The following PTPRD variants were observed in gnomAD, a reference collection of about 807,000 sequenced individuals.
PTPRD encodes receptor-type tyrosine-protein phosphatase delta.
In PTPRD, 34 loss-of-function variants were observed where a neutral mutation model predicts 214.5. The ratio of observed to expected loss-of-function variants is 0.16; its 90% CI spans 0.12 to 0.21. PTPRD has a LOEUF of 0.21. Among genes scored for constraint, PTPRD ranks in the 10% least tolerant of loss-of-function variants. The pLI is 1.00. For missense variants in PTPRD, 2,545 were observed against 2,398.7 expected (o/e 1.06, Z -1.27); for synonymous variants, 1,128 against 845.7 (o/e 1.33, Z -5.79).
At chr9:8,560,927 TAA>T (rs57799552) in intron 14 of PTPRD, among the ~76,000 whole-genome samples, 3,139 of 141,132 alleles carry the variant, frequency 0.022, 94 homozygotes, top group African/African-American at 0.065. Flanking sequence ...GGCATTCCTT[TAA>T]AAAAAAAAAA....
At chr9:9,344,019 T>C (rs906781444) in intron 9 of PTPRD, among the ~76,000 whole-genome samples, 1 of 152,186 alleles carries the variant, frequency 6.6e-6, no homozygotes, top group African/African-American at 2.4e-5. Context: ...TCTTAGGTGC[T>C]ATATATGTTT....
chr9:10,175,913 T>G (rs2099245535), intron 3 of PTPRD, among the ~76,000 whole-genome samples: 1 of 151,950 alleles, frequency 6.6e-6, no homozygotes, highest in Admixed American at 6.6e-5. Flanking sequence ...TAAAGGAAGG[T>G]TATTCTTAAT....
intron 9 of PTPRD, among the ~76,000 whole-genome samples, chr9:9,195,044 A>G (rs578130387): frequency 6.4e-4 from 96 of 149,778 alleles, no homozygotes; most frequent in East Asian, 1.2e-3. Flanking sequence ...GTATATATAT[A>G]CATATTTATA....
At chr9:9,488,145 C>A (rs537473100) in intron 8 of PTPRD, among the ~76,000 whole-genome samples, 3 of 152,030 alleles carry the variant, frequency 2.0e-5, no homozygotes, top group Non-Finnish European at 2.9e-5. Flanking sequence ...GTAAATAATG[C>A]GGAATATTTT....
intron 7 of PTPRD, among the ~76,000 whole-genome samples, chr9:9,586,059 C>G (rs1411098855): frequency 6.6e-6 from 1 of 151,968 alleles, no homozygotes; most frequent in Non-Finnish European, 1.5e-5. Context: ...ACATCCTGGC[C>G]ATTCTGAACC....
intron 9 of PTPRD, among the ~76,000 whole-genome samples, chr9:9,339,586 A>T (rs1012160658): frequency 6.6e-6 from 1 of 152,198 alleles, no homozygotes; most frequent in African/African-American, 2.4e-5. Flanking sequence ...CAGTTGTTAC[A>T]TAACACATAT....
intron 11 of PTPRD, chr9:8,858,254 C>G (rs923288787): frequency 1.3e-5 from 2 of 153,872 alleles, no homozygotes; most frequent in African/African-American, 4.8e-5. Flanking sequence ...CCACAAATAG[C>G]AACTCGGCTG....
At chr9:9,306,300 A>T (rs1452587989) in intron 9 of PTPRD, among the ~76,000 whole-genome samples, 1 of 152,000 alleles carries the variant, frequency 6.6e-6, no homozygotes, top group Non-Finnish European at 1.5e-5. Flanking sequence ...GCAGTGGCTC[A>T]CACCTGTAAT....
chr9:8,902,744 T>C (rs1360245404), intron 11 of PTPRD, among the ~76,000 whole-genome samples: 1 of 152,088 alleles, frequency 6.6e-6, no homozygotes, highest in Non-Finnish European at 1.5e-5. Flanking sequence ...AAAAGAAAAA[T>C]AAGCCTTGGC....
intron 35 of PTPRD, among the ~76,000 whole-genome samples, chr9:8,414,930 GGAGAGAGAGAGAGAGAGA>G (rs58529453): frequency 3.9e-3 from 191 of 49,258 alleles, no homozygotes; most frequent in Middle Eastern, 0.033. Context: ...AGAGGGAGGG[GGAGAGAGAGAGAGAGAGA>G]GAGAGAGAGA....
At chr9:10,327,612 T>C (rs1036394699) in intron 3 of PTPRD, among the ~76,000 whole-genome samples, 1 of 151,722 alleles carries the variant, frequency 6.6e-6, no homozygotes, top group Non-Finnish European at 1.5e-5. Flanking sequence ...ATTAAATATA[T>C]ATTAAAACAT....
rs1435380629 is a variant in PTPRD at position 9,591,762 on chromosome 9, T to C, written c.-286-16981A>G. On this transcript the variant is annotated intron_variant, in intron 7 of 45. Coordinates refer to ENST00000381196, the MANE Select transcript of PTPRD (RefSeq NM_002839.4). ...TGAGTTACATTATGTAATGATCAAA[T>C]CAGGGTCATTAGCATATTCATCACC... 2.0e-5 allele frequency among the ~76,000 whole-genome samples: 3 copies of C among 152,060 alleles called. No homozygotes were observed. The East Asian group carries it at 5.8e-4, about 29-fold the overall frequency.
At chr9:9,838,309 G>T (rs557955341) in intron 5 of PTPRD, among the ~76,000 whole-genome samples, 17 of 152,102 alleles carry the variant, frequency 1.1e-4, no homozygotes, top group Admixed American at 4.6e-4. Context: ...GGGTCAAATG[G>T]TATTTCTAGT....
chr9:9,402,559 A>T (rs984333623), intron 8 of PTPRD, among the ~76,000 whole-genome samples: 6 of 152,138 alleles, frequency 3.9e-5, no homozygotes, highest in Non-Finnish European at 7.4e-5. Context: ...TACAAGCTCA[A>T]ATCCATAGTT....
intron 8 of PTPRD, among the ~76,000 whole-genome samples, chr9:9,476,712 TAAAC>T (rs2095070338): frequency 6.6e-6 from 1 of 152,162 alleles, no homozygotes; most frequent in African/African-American, 2.4e-5. Flanking sequence ...AGAAACCTAA[TAAAC>T]AAAGCACTGA....
At position 8,485,771 on chromosome 9, in the gene PTPRD, C is replaced by T. The variant is rs1311200120; in HGVS notation, c.3046G>A (p.Val1016Met). 6 of 1,610,466 alleles carry T rather than the reference C, an allele frequency of 3.7e-6. No homozygotes were observed. In the Admixed American group the frequency reaches 5.0e-5, roughly 13 times the overall value. ...SPSVQFRTLP[V>M]DQVFAKNFHV... is the part of the protein sequence containing the mutation. ...AGCAGACAAATCCTACCTTGATCCA[C>T]AGGCAGTGTCCTGAACTGGACACTG... The change falls in exon 28 of 46, where the codon GTG (valine) becomes ATG (methionine). Residue 1016 changes from valine (V) to methionine (M), a missense_variant. Transcript: ENST00000381196.
rs1352704643 is a variant in PTPRD at position 9,905,528 on chromosome 9, T to TA, written c.-368+32978dup. Among the ~76,000 whole-genome samples, 7 of 152,074 alleles carry TA rather than the reference T, an allele frequency of 4.6e-5. No individual in the cohort carries two copies. The South Asian group carries it at 8.3e-4, about 18-fold the overall frequency. ...TATCAAGCCAGTCAGATACTTATCTTAAAAAGTTGTTCAATAAAGGAAATT... is the reference window on the plus strand; with the variant it reads ...TATCAAGCCAGTCAGATACTTATCTTAAAAAAGTTGTTCAATAAAGGAAATT... On this transcript the variant is annotated intron_variant, in intron 5 of 45. Coordinates refer to ENST00000381196, the MANE Select transcript of PTPRD (RefSeq NM_002839.4).
intron 9 of PTPRD, among the ~76,000 whole-genome samples, chr9:9,285,615 C>G (rs1192510362): frequency 2.0e-5 from 3 of 151,752 alleles, no homozygotes; most frequent in African/African-American, 4.8e-5. Context: ...GCACTTGATT[C>G]TGTTGACCAT....
intron 17 of PTPRD, chr9:8,525,251 G>T (rs2073792027): frequency 2.9e-6 from 2 of 679,294 alleles, no homozygotes; most frequent in Non-Finnish European, 5.3e-6. Flanking sequence ...GCTAGCATTA[G>T]AAATCAATAT....
Sources: allele counts gnomAD v4.1 joint callset (sites outside exome capture counted in the v4.1 genomes callset), GRCh38; gene constraint gnomAD v4.1.1; transcripts MANE v1.5; gene names NCBI Gene and HGNC (gene_info 2026-07-23, HGNC 2026-07-21).